The following SP140 variants were observed in gnomAD, a reference collection of about 807,000 sequenced individuals.
SP140 encodes SP140 nuclear body protein.
In SP140, 81 loss-of-function variants were observed where a neutral mutation model predicts 125.0. The observed-to-expected ratio is 0.65, with a 90% CI of 0.54 to 0.78. SP140 has a LOEUF of 0.78. Ranked by LOEUF, SP140 falls within the 30% of genes least tolerant of loss-of-function variation. The probability of loss-of-function intolerance (pLI) is 0.00; values close to 1 mark genes in which losing one functional copy is unlikely to be tolerated. For missense variants in SP140, 858 were observed against 1,037.0 expected (o/e 0.83, Z 2.37); for synonymous variants, 312 against 354.0 (o/e 0.88, Z 1.33).
intron 12 of SP140, among the ~76,000 whole-genome samples, chr2:230,260,246 C>T (rs760146639): frequency 7.9e-5 from 12 of 152,042 alleles, no homozygotes; most frequent in Admixed American, 3.9e-4. Context: ...TCTTCTTTTA[C>T]GAACTGTCTA....
upstream of SP140, among the ~76,000 whole-genome samples, chr2:230,202,377 G>A (rs972222381): frequency 3.3e-5 from 5 of 152,178 alleles, no homozygotes; most frequent in African/African-American, 1.2e-4. Context: ...CTGTCCCTGT[G>A]AACACGTCTG....
chr2:230,236,165 G>A (rs1267117725), intron 1 of SP140, among the ~76,000 whole-genome samples: 5 of 152,106 alleles, frequency 3.3e-5, no homozygotes, highest in African/African-American at 4.8e-5. Context: ...GTGAGCCACC[G>A]CGCCCGGCCT....
chr2:230,200,878 G>T (rs775861638), upstream of SP140: 5 of 1,606,482 alleles, frequency 3.1e-6, no homozygotes, highest in East Asian at 4.5e-5. Context: ...CAATCTCCAA[G>T]TTTTACCTTG....
At chr2:230,196,074 C>T in the SP140 span, among the ~76,000 whole-genome samples, 1 of 152,038 alleles carries the variant, frequency 6.6e-6, no homozygotes, top group African/African-American at 2.4e-5. Context: ...TTATTACATC[C>T]AGCATTGAGG....
At chr2:230,309,833 C>T in intron 22 of SP140, 91 bp from the exon 23 acceptor site, 1 of 1,309,400 alleles carries the variant, frequency 7.6e-7, no homozygotes, top group South Asian at 1.3e-5. Context: ...CATGCAGGTT[C>T]ACACAAAGGC....
intron 12 of SP140, among the ~76,000 whole-genome samples, chr2:230,267,418 G>A (rs1205367586): frequency 6.6e-6 from 1 of 152,166 alleles, no homozygotes; most frequent in Non-Finnish European, 1.5e-5. Context: ...ATTTATAGAG[G>A]TTTTGTTGAA....
At chr2:230,253,471 G>T in intron 11 of SP140, 54 bp downstream of exon 11, 3 of 1,376,426 alleles carry the variant, frequency 2.2e-6, no homozygotes, top group Admixed American at 1.7e-5. Context: ...TTTCCAGTTG[G>T]CATGGGAAAA....
chr2:230,201,451 G>C (rs989843885), upstream of SP140, among the ~76,000 whole-genome samples: 2 of 152,102 alleles, frequency 1.3e-5, no homozygotes, highest in African/African-American at 4.8e-5. Context: ...AGGAATCACT[G>C]CATCCTTTAT....
chr2:230,208,099 A>G (rs2044077457), intron 1 of SP140: 1 of 1,103,058 alleles, frequency 9.1e-7, no homozygotes, highest in Admixed American at 1.7e-5. Flanking sequence ...ACAAACATTG[A>G]TCTCCCAATC....
chr2:230,294,129 G>C, intron 20 of SP140, 142 bp from the exon 21 acceptor site: 2 of 660,832 alleles, frequency 3.0e-6, no homozygotes, highest in East Asian at 2.7e-5. Flanking sequence ...TGAAGACAGG[G>C]AGATGGTTTC....
chr2:230,212,885 C>T lies in SP140; in HGVS notation c.-322-769C>T, dbSNP rs201957445. On this transcript the variant is annotated intron_variant, in intron 1 of 4. Transcript: ENST00000456542. ...ATGTTCCAGGCTCACTGACTCTTGGCGCACAGGGTGAACAGCTTGGTTGAG... is the reference window on the plus strand; with the variant it reads ...ATGTTCCAGGCTCACTGACTCTTGGTGCACAGGGTGAACAGCTTGGTTGAG... The T allele has an allele frequency of 1.4e-4, 226 of 1,613,886 alleles. No homozygotes were observed. The Middle Eastern group carries it at 2.0e-3, about 14-fold the overall frequency.
chr2:230,251,676 C>T (rs1387299437), intron 10 of SP140, among the ~76,000 whole-genome samples: 1 of 152,144 alleles, frequency 6.6e-6, no homozygotes, highest in Non-Finnish European at 1.5e-5. Context: ...TGGTATCCTA[C>T]CCTCTAATTG....
chr2:230,305,841 G>A (rs2149584124), intron 22 of SP140, among the ~76,000 whole-genome samples: 1 of 152,368 alleles, frequency 6.6e-6, no homozygotes, highest in South Asian at 2.1e-4. Context: ...CAGAGGCCGT[G>A]TCCCTAGGAT....
At chr2:230,303,086 CA>C (rs981205057) in intron 22 of SP140, among the ~76,000 whole-genome samples, 1 of 150,810 alleles carries the variant, frequency 6.6e-6, no homozygotes, top group Non-Finnish European at 1.5e-5. Flanking sequence ...GAAATTGAAA[CA>C]AAAAAAATAC....
At chr2:230,256,952 A>G (rs2051316524) in intron 12 of SP140, among the ~76,000 whole-genome samples, 1 of 152,186 alleles carries the variant, frequency 6.6e-6, no homozygotes, top group African/African-American at 2.4e-5. Context: ...TTAGATAGGG[A>G]AGGTGCTGTT....
chr2:230,259,243 G>A (rs1475959297), intron 12 of SP140, among the ~76,000 whole-genome samples: 1 of 151,856 alleles, frequency 6.6e-6, no homozygotes, highest in Non-Finnish European at 1.5e-5. Flanking sequence ...TCTATCCCTC[G>A]CACCCCTCCC....
At chr2:230,202,431 T>C, upstream of SP140, 1 of 728,212 alleles carries the variant, frequency 1.4e-6, no homozygotes, top group Admixed American at 2.6e-5. Context: ...GCTTGCTCTC[T>C]TTGTTCCTCT....
At chr2:230,198,195 C>T (rs1035490651), upstream of SP140, among the ~76,000 whole-genome samples, 6 of 152,148 alleles carry the variant, frequency 3.9e-5, no homozygotes, top group African/African-American at 1.2e-4. Context: ...GGCCTTCTGG[C>T]GCCTCCCTCT....
intron 12 of SP140, among the ~76,000 whole-genome samples, chr2:230,259,845 G>A (rs777199648): frequency 2.0e-5 from 3 of 148,290 alleles, no homozygotes; most frequent in Non-Finnish European, 3.0e-5. Flanking sequence ...TTGTTAATTG[G>A]TGGGCATTTG....
Sources: allele counts gnomAD v4.1 joint callset (sites outside exome capture counted in the v4.1 genomes callset), GRCh38; gene constraint gnomAD v4.1.1; transcripts MANE v1.5; gene names NCBI Gene and HGNC (gene_info 2026-07-23, HGNC 2026-07-21).